Variants in FILIP1L observed in about 807,000 individuals in gnomAD.
FILIP1L encodes the protein filamin A-interacting protein 1-like.
FILIP1L carries 55 observed loss-of-function variants against 96.6 expected under a neutral mutation model. The ratio of observed to expected loss-of-function variants is 0.57; its 90% CI spans 0.46 to 0.71. The LOEUF is 0.71. Among genes scored for constraint, FILIP1L ranks in the 30% least tolerant of loss-of-function variants. The pLI is 0.00. For synonymous variants in FILIP1L, 467 were observed against 473.9 expected (o/e 0.99, Z 0.19); for missense variants, 1,304 against 1,321.2 (o/e 0.99, Z 0.20).
At chr3:100,098,765 A>G (rs1055080996) in intron 1 of FILIP1L, among the ~76,000 whole-genome samples, 1 of 152,224 alleles carries the variant, frequency 6.6e-6, no homozygotes, top group African/African-American at 2.4e-5. Context: ...AAAACAAACC[A>G]TTAGCAAGGA....
intron 1 of FILIP1L, among the ~76,000 whole-genome samples, chr3:100,110,762 A>T (rs1166716928): frequency 6.6e-6 from 1 of 151,922 alleles, no homozygotes; most frequent in African/African-American, 2.4e-5. Context: ...TTTCTTGTGA[A>T]TTTTTCCTCT....
intron 4 of FILIP1L, among the ~76,000 whole-genome samples, chr3:99,917,961 G>GTTTGTTTTTTGTTTTGTTTTGT (rs1707004571): frequency 6.6e-6 from 1 of 151,866 alleles, no homozygotes; most frequent in African/African-American, 2.4e-5. Flanking sequence ...GCCCTTGTTT[G>GTTTGTTTTTTGTTTTGTTTTGT]TTTGTTTTTT....
At chr3:99,944,121 G>T (rs1282810184) in intron 1 of FILIP1L, among the ~76,000 whole-genome samples, 1 of 152,188 alleles carries the variant, frequency 6.6e-6, no homozygotes, top group Non-Finnish European at 1.5e-5. Context: ...CATGAGGAGA[G>T]TACATTACTC....
chr3:100,032,781 A>G (rs1054798808), intron 1 of FILIP1L, among the ~76,000 whole-genome samples: 1 of 152,228 alleles, frequency 6.6e-6, no homozygotes, highest in Non-Finnish European at 1.5e-5. Context: ...ATGGTAATGC[A>G]GTTGTGTGTA....
chr3:100,064,016 TCTC>T (rs1282414724), intron 1 of FILIP1L, among the ~76,000 whole-genome samples: 1 of 152,190 alleles, frequency 6.6e-6, no homozygotes, highest in Admixed American at 6.5e-5. Flanking sequence ...TGCTTCTAGT[TCTC>T]CTCTCAAACC....
chr3:99,852,458 A>G (rs1302434858), intron 4 of FILIP1L, among the ~76,000 whole-genome samples: 3 of 151,808 alleles, frequency 2.0e-5, no homozygotes, highest in Non-Finnish European at 2.9e-5. Flanking sequence ...ATTTTATTTT[A>G]TTTTTTGAAA....
rs1443600502 is a variant in FILIP1L, at chr3:100,030,844, A to T, written c.-11+83209T>A. Among the ~76,000 whole-genome samples the T allele has an allele frequency of 5.3e-5, 8 of 152,332 alleles. No homozygotes were observed. The South Asian group carries it at 1.2e-3, about 24-fold the overall frequency. ...GTCAATTTATAACCTAATAAGGTAT[A>T]AGTGGTTTTTAAAGTGCACTGTGGT... On this transcript the variant is annotated intron_variant, in intron 1 of 5. Coordinates refer to ENST00000477258, the MANE Select transcript of FILIP1L (RefSeq NM_001387850.1).
At chr3:99,859,757 CTTTA>C (rs2107550783) in intron 4 of FILIP1L, among the ~76,000 whole-genome samples, 2 of 96,846 alleles carry the variant, frequency 2.1e-5, no homozygotes, top group Admixed American at 2.5e-4. Flanking sequence ...TGGAAAGCTT[CTTTA>C]TTTGAGATAA....
At chr3:100,099,715 A>G (rs543706532) in intron 1 of FILIP1L, among the ~76,000 whole-genome samples, 20 of 152,318 alleles carry the variant, frequency 1.3e-4, no homozygotes, top group Non-Finnish European at 2.8e-4. Context: ...ACCGTGTGCC[A>G]GACACTGTCC....
intron 3 of FILIP1L, among the ~76,000 whole-genome samples, chr3:99,928,807 A>C (rs1707379388): frequency 1.3e-5 from 2 of 152,220 alleles, no homozygotes; most frequent in African/African-American, 2.4e-5. Context: ...CAGTTTTAAC[A>C]GTATTCACTT....
At chr3:99,889,492 T>C (rs1440578851) in intron 4 of FILIP1L, among the ~76,000 whole-genome samples, 1 of 152,098 alleles carries the variant, frequency 6.6e-6, no homozygotes, top group Non-Finnish European at 1.5e-5. Flanking sequence ...AAATAACGTA[T>C]AGCTAGGAAT....
At chr3:99,995,349 A>T (rs1334565918) in intron 1 of FILIP1L, among the ~76,000 whole-genome samples, 1 of 152,176 alleles carries the variant, frequency 6.6e-6, no homozygotes, top group African/African-American at 2.4e-5. Flanking sequence ...CTGATGTAAG[A>T]GGTGGGTTCC....
chr3:100,058,488 G>A (rs2065503812), intron 1 of FILIP1L, among the ~76,000 whole-genome samples: 1 of 152,192 alleles, frequency 6.6e-6, no homozygotes. Context: ...TCCCATTGAT[G>A]ACCTCCTCTC....
At chr3:99,903,360 T>C (rs900343197) in intron 4 of FILIP1L, among the ~76,000 whole-genome samples, 8 of 152,002 alleles carry the variant, frequency 5.3e-5, no homozygotes, top group African/African-American at 1.9e-4. Flanking sequence ...CAAGCAATTC[T>C]CCTGCCTCAG....
chr3:99,948,472 A>C (rs1708077315), intron 1 of FILIP1L, among the ~76,000 whole-genome samples: 2 of 149,936 alleles, frequency 1.3e-5, no homozygotes, highest in Non-Finnish European at 3.0e-5. Context: ...TAAGTCCAAG[A>C]ATTGGAGGTT....
intron 1 of FILIP1L, among the ~76,000 whole-genome samples, chr3:99,993,830 G>A (rs549498908): frequency 6.6e-6 from 1 of 152,076 alleles, no homozygotes; most frequent in Non-Finnish European, 1.5e-5. Context: ...AATCGTACTT[G>A]ATCATGATAT....
chr3:100,112,422 A>G (rs1425253681), intron 1 of FILIP1L, among the ~76,000 whole-genome samples: 4 of 152,212 alleles, frequency 2.6e-5, no homozygotes, highest in South Asian at 2.1e-4. Flanking sequence ...TAAAGGCACC[A>G]TCATTTCAAT....
chr3:100,013,736 A>T (rs1710234371), intron 1 of FILIP1L, among the ~76,000 whole-genome samples: 1 of 152,186 alleles, frequency 6.6e-6, no homozygotes, highest in Admixed American at 6.5e-5. Flanking sequence ...ACTGTGTACA[A>T]TGCAATGTTT....
chr3:100,060,498 G>GAA, intron 1 of FILIP1L, among the ~76,000 whole-genome samples: 1 of 148,074 alleles, frequency 6.8e-6, no homozygotes, highest in Admixed American at 6.7e-5. Context: ...CTTCACCCAA[G>GAA]AAAAAAAAAA....
Sources: gnomAD v4.1 joint callset for allele counts (sites outside exome capture counted in the v4.1 genomes callset) on GRCh38, gnomAD v4.1.1 for gene constraint, MANE v1.5 for transcripts, NCBI Gene and HGNC (gene_info 2026-07-23, HGNC 2026-07-21) for gene names.